TMCO1: variants seen among roughly 807,000 people sequenced by gnomAD.
The protein encoded by TMCO1 is calcium load-activated calcium channel.
In TMCO1, 29 loss-of-function variants were observed where a neutral mutation model predicts 29.3. The observed-to-expected ratio is 0.99, with a 90% CI of 0.74 to 1.35. The LOEUF is 1.35. Ranked by LOEUF, TMCO1 falls within the 40% of genes most tolerant of loss-of-function variation. The pLI, the probability that TMCO1 is intolerant of heterozygous loss-of-function variation, is 0.00. For synonymous variants in TMCO1, 80 were observed against 77.1 expected (o/e 1.04, Z -0.20); for missense variants, 173 against 225.5 (o/e 0.77, Z 1.49).
downstream of TMCO1, chr1:165,726,320 G>C (rs188452924): frequency 1.5e-6 from 1 of 688,850 alleles, no homozygotes; most frequent in Non-Finnish European, 2.6e-6. Flanking sequence ...AGCTCCTGCT[G>C]TGTTTCCACC....
intron 3 of TMCO1, among the ~76,000 whole-genome samples, chr1:165,756,049 A>T (rs1403700523): frequency 4.2e-5 from 1 of 23,552 alleles, no homozygotes; most frequent in East Asian, 8.1e-3. Context: ...AGCTTGTTTA[A>T]AAAAAAAAAA....
At chr1:165,767,539 A>G (rs940194492) in intron 2 of TMCO1, among the ~76,000 whole-genome samples, 12 of 152,140 alleles carry the variant, frequency 7.9e-5, no homozygotes, top group Non-Finnish European at 2.9e-5. Context: ...TAAGATTTCC[A>G]TATTTTTGCT....
At position 165,768,260 on chromosome 1, in the gene TMCO1, C is replaced by G; in HGVS notation, c.80G>C (p.Trp27Ser). The change falls in exon 2 of 7, where the codon TGG becomes TCG. Residue 27 changes from tryptophan to serine, a missense_variant. Coordinates refer to ENST00000367881, the MANE Select transcript of TMCO1 (RefSeq NM_019026.6). Reference protein sequence around the residue: ...CTALLAEGITWVLVYRTDKYK... With the variant: ...CTALLAEGITSVLVYRTDKYK... ...CTTGTCTGTCCTGTAAACCAGGACC[C>G]AGGTTATGCCTAAAACATTAAAAGC... 1 of 1,613,646 alleles carries G rather than the reference C, an allele frequency of 6.2e-7. No homozygotes were observed. Among genetic ancestry groups the G allele is most frequent in the Non-Finnish European group, 8.5e-7 (1 of 1,179,716 alleles).
intron 5 of TMCO1, among the ~76,000 whole-genome samples, chr1:165,744,806 A>AT (rs1651732390): frequency 6.6e-6 from 1 of 151,832 alleles, no homozygotes; most frequent in African/African-American, 2.4e-5. Flanking sequence ...AAAAAAAAAA[A>AT]AAAAAATTTC....
intron 5 of TMCO1, among the ~76,000 whole-genome samples, chr1:165,748,396 A>ACTAGGATGGGAGCTGGTG (rs1279794834): frequency 1.3e-5 from 2 of 152,198 alleles, no homozygotes; most frequent in African/African-American, 4.8e-5. Context: ...AATCATTGAA[A>ACTAGGATGGGAGCTGGTG]CTAGGATGGG....
At chr1:165,752,203 T>TAAAA in intron 4 of TMCO1, 34 bp from the exon 5 acceptor site, 1 of 1,418,832 alleles carries the variant, frequency 7.0e-7, no homozygotes. Flanking sequence ...CATTTTACAC[T>TAAAA]AAAAAAAAAC....
intron 6 of TMCO1, among the ~76,000 whole-genome samples, chr1:165,737,398 T>C (rs60019343): frequency 0.013 from 2,018 of 151,184 alleles, 50 homozygotes; most frequent in African/African-American, 0.047. Flanking sequence ...ATACCCAAAA[T>C]GACTAATATA....
At chr1:165,746,299 A>G (rs1651792751) in intron 5 of TMCO1, among the ~76,000 whole-genome samples, 1 of 119,414 alleles carries the variant, frequency 8.4e-6, no homozygotes, top group African/African-American at 3.5e-5. Flanking sequence ...ACAGAGCTAG[A>G]CTCCATCTCA....
rs1558033552 is a variant in TMCO1, at chr1:165,741,587, T to C, written c.468+1580A>G. On this transcript the variant is annotated intron_variant, in intron 6 of 6. Transcript: ENST00000367881. ...AAGTGCTGTATTTGTGGGGATGTGA[T>C]GGGATATGAATTGGGAAAAAATATT... 3.9e-5 allele frequency among the ~76,000 whole-genome samples: 6 copies of C among 152,198 alleles called. No individual in the cohort carries two copies. The South Asian group carries it at 8.3e-4, about 21-fold the overall frequency.
At position 165,730,165 on chromosome 1, in the gene TMCO1, C is replaced by CAAAAA. The variant is rs572104283; in HGVS notation, c.469-2045_469-2044insTTTTT. 4.6e-4 allele frequency among the ~76,000 whole-genome samples: 47 copies of CAAAAA among 103,116 alleles called. 1 individual carries two copies. Among genetic ancestry groups the CAAAAA allele is most frequent in the Admixed American group, 1.2e-3 (12 of 9,864 alleles). 67.6% of individuals were successfully genotyped at this position (103,116 alleles called of 152,430 possible). ...TGAAACCCCGTCTGTACTAAAAATA[C>CAAAAA]ACACACACAAAAAAAAAAAAATTAG... On this transcript the variant is annotated intron_variant, in intron 6 of 6. Transcript: ENST00000367881.
intron 6 of TMCO1, among the ~76,000 whole-genome samples, chr1:165,742,753 T>G (rs1474760673): frequency 1.3e-5 from 2 of 152,222 alleles, no homozygotes; most frequent in Non-Finnish European, 2.9e-5. Context: ...TTCTATAACC[T>G]AAACTTTATC....
At chr1:165,751,780 C>G (rs1652001338) in intron 5 of TMCO1, among the ~76,000 whole-genome samples, 1 of 151,462 alleles carries the variant, frequency 6.6e-6, no homozygotes, top group African/African-American at 2.4e-5. Context: ...AGAAAATGTC[C>G]TTAGGAAATA....
chr1:165,740,119 T>TAAC (rs566615976), intron 6 of TMCO1, among the ~76,000 whole-genome samples: 50 of 151,962 alleles, frequency 3.3e-4, no homozygotes, highest in East Asian at 7.8e-4. Context: ...CTCAAAATAA[T>TAAC]AACAACAACA....
intron 2 of TMCO1, among the ~76,000 whole-genome samples, chr1:165,762,576 G>A (rs1652435905): frequency 6.6e-6 from 1 of 152,142 alleles, no homozygotes; most frequent in Non-Finnish European, 1.5e-5. Flanking sequence ...TCATGAGGTT[G>A]TGATGAAACC....
At chr1:165,746,615 T>A (rs1651809250) in intron 5 of TMCO1, among the ~76,000 whole-genome samples, 1 of 152,174 alleles carries the variant, frequency 6.6e-6, no homozygotes, top group African/African-American at 2.4e-5. Context: ...CTATTAAGGA[T>A]AACATATCAC....
In TMCO1 at chr1:165,768,835, A is replaced by G. The variant is rs1175720485; in HGVS notation, c.-84T>C. 1.3e-6 allele frequency: 2 copies of G among 1,594,266 alleles called. No individual in the cohort carries two copies. Among genetic ancestry groups the G allele is most frequent in the African/African-American group, 2.7e-5 (2 of 74,630 alleles). Reference sequence around the variant, plus strand: ...AAAGTGAAGCGAAAACGGCTTCCGTAGACTCCGCCACCACCGAGTAACAGA... The same window carrying G: ...AAAGTGAAGCGAAAACGGCTTCCGTGGACTCCGCCACCACCGAGTAACAGA... On this transcript the variant is annotated 5_prime_UTR_variant, in exon 1 of 7. Coordinates refer to ENST00000367881, the MANE Select transcript of TMCO1 (RefSeq NM_019026.6).
At chr1:165,725,155 TAAA>T (rs1558024560), downstream of TMCO1, 1 of 435,846 alleles carries the variant, frequency 2.3e-6, no homozygotes, top group African/African-American at 2.1e-5. Flanking sequence ...AGAATTAATC[TAAA>T]AAAAGAGAAA....
chr1:165,759,411 C>A, intron 3 of TMCO1, 114 bp downstream of exon 3: 1 of 815,274 alleles, frequency 1.2e-6, no homozygotes, highest in South Asian at 1.6e-5. Context: ...CTTTATAAAC[C>A]ATAAAATCAT....
At chr1:165,766,021 G>A (rs755860006) in intron 2 of TMCO1, among the ~76,000 whole-genome samples, 10 of 152,188 alleles carry the variant, frequency 6.6e-5, no homozygotes, top group Non-Finnish European at 1.3e-4. Flanking sequence ...AATGAAAAGT[G>A]GTCAGATTCT....
Sources: gnomAD v4.1 joint callset for allele counts (sites outside exome capture counted in the v4.1 genomes callset) on GRCh38, gnomAD v4.1.1 for gene constraint, MANE v1.5 for transcripts, NCBI Gene and HGNC (gene_info 2026-07-23, HGNC 2026-07-21) for gene names.